The following TBC1D5 variants were observed in gnomAD, a reference collection of about 807,000 sequenced individuals.
The protein encoded by TBC1D5 is TBC1 domain family, member 5.
Under a neutral mutation model 100.3 loss-of-function variants are expected in TBC1D5, and 75 were observed. The observed-to-expected ratio is 0.75, with a 90% CI of 0.62 to 0.91. TBC1D5 has a LOEUF of 0.91. Ranked by LOEUF, TBC1D5 falls within the 40% of genes least tolerant of loss-of-function variation. The pLI is 0.00. For missense variants in TBC1D5, 910 were observed against 942.4 expected, an observed-to-expected ratio of 0.97 and a Z score of 0.45; for synonymous variants, 323 against 325.6, an observed-to-expected ratio of 0.99 and a Z score of 0.09.
intron 13 of TBC1D5, among the ~76,000 whole-genome samples, chr3:17,310,932 T>C (rs141450011): frequency 2.8e-4 from 42 of 152,154 alleles, no homozygotes; most frequent in African/African-American, 9.9e-4. Context: ...TTAATCATTT[T>C]ATCCCAATTG....
At chr3:17,436,265 C>T (rs1026410833) in intron 3 of TBC1D5, among the ~76,000 whole-genome samples, 3 of 152,084 alleles carry the variant, frequency 2.0e-5, no homozygotes, top group Admixed American at 6.5e-5. Flanking sequence ...ACAATAGGTT[C>T]TACTGCAAAA....
intron 2 of TBC1D5, among the ~76,000 whole-genome samples, chr3:17,527,755 A>T (rs527839625): frequency 3.4e-4 from 52 of 152,340 alleles, no homozygotes; most frequent in African/African-American, 1.2e-3. Flanking sequence ...AAAAGAAGGT[A>T]AACCAAGTAA....
At chr3:17,314,597 C>T (rs2084440303) in intron 13 of TBC1D5, among the ~76,000 whole-genome samples, 1 of 152,132 alleles carries the variant, frequency 6.6e-6, no homozygotes, top group Non-Finnish European at 1.5e-5. Context: ...CCAGTACCAC[C>T]ACCTGGCAGC....
intron 1 of TBC1D5, among the ~76,000 whole-genome samples, chr3:17,637,214 T>TTG: frequency 7.0e-6 from 1 of 142,108 alleles, no homozygotes; most frequent in South Asian, 2.3e-4. Flanking sequence ...TTTTTTTTTT[T>TTG]TTTTTATTTA....
intron 1 of TBC1D5, among the ~76,000 whole-genome samples, chr3:17,675,577 T>C (rs1301299656): frequency 1.3e-5 from 2 of 152,156 alleles, no homozygotes; most frequent in Non-Finnish European, 1.5e-5. Flanking sequence ...TTAACTTATA[T>C]GAAAGGAGGA....
chr3:17,520,847 T>G lies in TBC1D5; in HGVS notation c.-35-12242A>C, dbSNP rs528219153. ...GTATTTTATCTGACAACCCTACCAGTAGACAGACAAGGAGACACTGTAGGA... is the reference window on the plus strand; with the variant it reads ...GTATTTTATCTGACAACCCTACCAGGAGACAGACAAGGAGACACTGTAGGA... On this transcript the variant is annotated intron_variant, in intron 2 of 21. Transcript: ENST00000253692. 9.9e-5 allele frequency among the ~76,000 whole-genome samples: 15 copies of G among 152,234 alleles called. No individual in the cohort carries two copies. In the East Asian group the frequency reaches 1.9e-3, roughly 20 times the overall value.
chr3:17,630,849 C>G (rs1165258286), intron 1 of TBC1D5, among the ~76,000 whole-genome samples: 1 of 144,458 alleles, frequency 6.9e-6, no homozygotes, highest in Non-Finnish European at 1.5e-5. Flanking sequence ...TCCTGGCTAA[C>G]ACGGTGAAAC....
chr3:17,167,154 G>A (rs1230220379), intron 20 of TBC1D5, among the ~76,000 whole-genome samples: 2 of 152,156 alleles, frequency 1.3e-5, no homozygotes, highest in Non-Finnish European at 1.5e-5. Context: ...TAATAGCCAG[G>A]TTCTCACAGG....
chr3:17,238,741 A>T (rs2076078387), intron 16 of TBC1D5, among the ~76,000 whole-genome samples: 3 of 152,280 alleles, frequency 2.0e-5, no homozygotes, highest in Admixed American at 1.3e-4. Flanking sequence ...AGTAGAGAAG[A>T]AGTATATTAA....
At chr3:17,320,282 C>A (rs1434829966) in intron 13 of TBC1D5, among the ~76,000 whole-genome samples, 1 of 152,156 alleles carries the variant, frequency 6.6e-6, no homozygotes, top group African/African-American at 2.4e-5. Context: ...GTCTCTAAAC[C>A]AGCAGCATCA....
At chr3:17,539,164 T>G (rs1407552151) in intron 2 of TBC1D5, among the ~76,000 whole-genome samples, 1 of 152,016 alleles carries the variant, frequency 6.6e-6, no homozygotes, top group African/African-American at 2.4e-5. Context: ...CCAGCCTGAG[T>G]GCTCAAAAAA....
intron 1 of TBC1D5, among the ~76,000 whole-genome samples, chr3:17,704,917 C>T: frequency 9.8e-6 from 1 of 102,308 alleles, no homozygotes; most frequent in Non-Finnish European, 2.1e-5. Context: ...GCTGGCCGGG[C>T]AGAGGGGCTC....
chr3:17,231,094 C>T (rs1039228618), intron 17 of TBC1D5, among the ~76,000 whole-genome samples: 3 of 152,056 alleles, frequency 2.0e-5, no homozygotes. Context: ...CCCATGGATA[C>T]AGGGGGCTGA....
At chr3:17,665,282 T>A (rs1388086197) in intron 1 of TBC1D5, among the ~76,000 whole-genome samples, 1 of 152,220 alleles carries the variant, frequency 6.6e-6, no homozygotes, top group African/African-American at 2.4e-5. Flanking sequence ...CATGTCCTCT[T>A]GGAAGACCAA....
chr3:17,324,417 G>A (rs760617160), intron 13 of TBC1D5, among the ~76,000 whole-genome samples: 10 of 152,134 alleles, frequency 6.6e-5, no homozygotes, highest in African/African-American at 1.2e-4. Flanking sequence ...CGCGGCAGGC[G>A]GATCACTTGA....
chr3:17,295,531 C>G (rs776911248), intron 14 of TBC1D5, among the ~76,000 whole-genome samples: 9 of 152,130 alleles, frequency 5.9e-5, no homozygotes, highest in Non-Finnish European at 1.2e-4. Context: ...CAGGTACAAA[C>G]AAACCAAAAG....
At chr3:17,487,612 T>C (rs2095586731) in intron 3 of TBC1D5, among the ~76,000 whole-genome samples, 1 of 152,136 alleles carries the variant, frequency 6.6e-6, no homozygotes, top group Admixed American at 6.6e-5. Context: ...AATTAAGAGA[T>C]GTAAGCAGAG....
At chr3:17,700,319 A>C (rs2072958062) in intron 1 of TBC1D5, among the ~76,000 whole-genome samples, 1 of 152,292 alleles carries the variant, frequency 6.6e-6, no homozygotes, top group African/African-American at 2.4e-5. Flanking sequence ...ACCTTATACA[A>C]AAATTAATTC....
At chr3:17,480,459 C>T (rs2095489233) in intron 3 of TBC1D5, among the ~76,000 whole-genome samples, 2 of 152,204 alleles carry the variant, frequency 1.3e-5, no homozygotes, top group South Asian at 4.1e-4. Context: ...GACGAACCAG[C>T]ATGTACTTCC....
Sources: gnomAD v4.1 joint callset for allele counts (sites outside exome capture counted in the v4.1 genomes callset) on GRCh38, gnomAD v4.1.1 for gene constraint, MANE v1.5 for transcripts, NCBI Gene and HGNC (gene_info 2026-07-23, HGNC 2026-07-21) for gene names.